HGSNAT: variants seen among roughly 807,000 people sequenced by gnomAD.
HGSNAT encodes the protein heparan-alpha-glucosaminide N-acetyltransferase, also known as transmembrane protein 76.
A neutral mutation model predicts 85.2 loss-of-function variants in HGSNAT; 59 were observed. That is an observed-to-expected ratio of 0.69 (90% CI 0.56 to 0.86). The LOEUF is 0.86. Ranked by LOEUF, HGSNAT falls within the 40% of genes least tolerant of loss-of-function variation. The pLI, the probability that HGSNAT is intolerant of heterozygous loss-of-function variation, is 0.00. For missense variants in HGSNAT, 756 were observed against 777.1 expected, an observed-to-expected ratio of 0.97 and a Z score of 0.32; for synonymous variants, 321 against 304.5, an observed-to-expected ratio of 1.05 and a Z score of -0.56.
chr8:43,194,417 T>G, intron 14 of HGSNAT: 1 of 985,398 alleles, frequency 1.0e-6, no homozygotes. Flanking sequence ...AAAAAGGTTT[T>G]CCTGATGGAG....
chr8:43,172,302 T>G lies in HGSNAT; in HGVS notation c.744-8T>G. On this transcript the variant is annotated splice_region_variant and splice_polypyrimidine_tract_variant and intron_variant, in intron 7 of 17. Coordinates refer to ENST00000379644, the MANE Select transcript of HGSNAT (RefSeq NM_152419.3). Reference sequence around the variant, plus strand: ...CCTGAAAGGCTTCTCTTTGTTGGCTTCTTCTAGGATTGCTCTTATACTCAT... The same window carrying G: ...CCTGAAAGGCTTCTCTTTGTTGGCTGCTTCTAGGATTGCTCTTATACTCAT... 1 of 1,605,116 alleles carries G rather than the reference T, an allele frequency of 6.2e-7. No homozygotes were observed. Among genetic ancestry groups the G allele is most frequent in the Non-Finnish European group, 8.5e-7 (1 of 1,171,778 alleles).
At chr8:43,142,932 G>A (rs1007214940) in intron 1 of HGSNAT, among the ~76,000 whole-genome samples, 3 of 152,198 alleles carry the variant, frequency 2.0e-5, no homozygotes, top group Non-Finnish European at 4.4e-5. Flanking sequence ...CATCTACGAA[G>A]GGATGATGAT....
At chr8:43,188,924 C>T (rs894879712) in intron 11 of HGSNAT, among the ~76,000 whole-genome samples, 1 of 152,130 alleles carries the variant, frequency 6.6e-6, no homozygotes. Flanking sequence ...CACTCCAGAC[C>T]CTGTTTGCCT....
At chr8:43,184,994 A>G (rs1394704267) in intron 11 of HGSNAT, among the ~76,000 whole-genome samples, 1 of 152,070 alleles carries the variant, frequency 6.6e-6, no homozygotes, top group Non-Finnish European at 1.5e-5. Flanking sequence ...CCATTGGTCT[A>G]TATCTCTGTT....
At chr8:43,158,168 A>AGG (rs1803152573) in intron 2 of HGSNAT, among the ~76,000 whole-genome samples, 1 of 151,984 alleles carries the variant, frequency 6.6e-6, no homozygotes, top group African/African-American at 2.4e-5. Flanking sequence ...GCGTGATCTC[A>AGG]GCTCACTGCA....
chr8:43,183,469 AT>A (rs1328988702), intron 11 of HGSNAT, among the ~76,000 whole-genome samples: 1,453 of 128,250 alleles, frequency 0.011, 15 homozygotes, highest in African/African-American at 0.033. Flanking sequence ...GCCTGGCCTC[AT>A]TTTTTTTTTT....
intron 10 of HGSNAT, chr8:43,180,610 G>A (rs1804047709): frequency 6.1e-6 from 1 of 163,828 alleles, no homozygotes; most frequent in African/African-American, 2.7e-5. Flanking sequence ...TCACTTTCCA[G>A]ACTGGGCAGC....
intron 10 of HGSNAT, chr8:43,181,795 C>T: frequency 4.1e-6 from 1 of 245,370 alleles, no homozygotes; most frequent in Non-Finnish European, 7.9e-6. Context: ...GGGTTGATTG[C>T]AAATTCCTAA....
chr8:43,154,463 C>T lies in HGSNAT; in HGVS notation c.235-4112C>T, dbSNP rs369795554. On this transcript the variant is annotated intron_variant, in intron 2 of 17. Coordinates refer to ENST00000379644, the MANE Select transcript of HGSNAT (RefSeq NM_152419.3). ...CGCGGTGTTTGGTTTTTTGTCCTTG[C>T]GATAGTTTGCTGAGAATGATGGTTT... Among the ~76,000 whole-genome samples the T allele has an allele frequency of 2.0e-4, 31 of 151,414 alleles. No individual in the cohort carries two copies. In the South Asian group the frequency reaches 4.6e-3, roughly 23 times the overall value.
rs1318938197 is a variant in HGSNAT at position 43,146,270 on chromosome 8, T to A, written c.119-678T>A. On this transcript the variant is annotated intron_variant, in intron 1 of 17. Transcript: ENST00000379644. ...CCGATCTGCCATGGAAATTAGGATA[T>A]TCCAAACTCCAAAACAAAGTGATAG... Among the ~76,000 whole-genome samples, 10 of 152,290 alleles carry A rather than the reference T, an allele frequency of 6.6e-5. No individual in the cohort carries two copies. In the East Asian group the frequency reaches 1.7e-3, roughly 26 times the overall value.
intron 12 of HGSNAT, 46 bp from the exon 13 acceptor site, chr8:43,192,258 G>C: frequency 1.3e-6 from 2 of 1,570,758 alleles, no homozygotes; most frequent in South Asian, 1.2e-5. Flanking sequence ...CCCTCTGTTC[G>C]CCCTTATGAG....
chr8:43,194,329 T>C (rs1314254721), intron 14 of HGSNAT: 4 of 911,976 alleles, frequency 4.4e-6, no homozygotes, highest in South Asian at 5.0e-5. Flanking sequence ...ACCAAGGAGG[T>C]TGAGGCTGCA....
intron 15 of HGSNAT, 41 bp from the exon 16 acceptor site, chr8:43,197,628 GATA>G (rs1221530813): frequency 1.4e-6 from 2 of 1,417,294 alleles, no homozygotes; most frequent in East Asian, 2.3e-5. Context: ...TGTTTTCTGA[GATA>G]ATAATATAAA....
chr8:43,197,724 CAGT>C lies in HGSNAT; in HGVS notation c.1597_1599del (p.Val533del). 1 of 1,613,132 alleles carries C rather than the reference CAGT, an allele frequency of 6.2e-7. No homozygotes were observed. Among genetic ancestry groups the C allele is most frequent in the Non-Finnish European group, 8.5e-7 (1 of 1,179,150 alleles). ...GTTTCTGAAAATGAAGGCTTTATTC[CAGT>C]AAACAAAAATCTCTGGTATGTATGG... On this transcript the variant is annotated inframe_deletion, in exon 16 of 18. Transcript: ENST00000379644.
chr8:43,148,442 A>G (rs957341692), intron 2 of HGSNAT, among the ~76,000 whole-genome samples: 1 of 152,010 alleles, frequency 6.6e-6, no homozygotes, highest in African/African-American at 2.4e-5. Context: ...TTATTAGAAT[A>G]AAACAAGTAG....
At chr8:43,151,574 G>A (rs1802920829) in intron 2 of HGSNAT, among the ~76,000 whole-genome samples, 2 of 152,266 alleles carry the variant, frequency 1.3e-5, no homozygotes, top group African/African-American at 4.8e-5. Flanking sequence ...TAAGTCAAAA[G>A]AGACTGGATA....
At chr8:43,170,495 A>G (rs981127593) in intron 6 of HGSNAT, 90 bp from the exon 7 acceptor site, 34 of 1,189,556 alleles carry the variant, frequency 2.9e-5, no homozygotes, top group Non-Finnish European at 4.0e-5. Flanking sequence ...ACAAAACAAA[A>G]CAAAACAAAA....
At chr8:43,170,767 T>C (rs1016996979) in intron 7 of HGSNAT, 73 bp downstream of exon 7, 1 of 940,386 alleles carries the variant, frequency 1.1e-6, no homozygotes, top group Non-Finnish European at 1.6e-6. Flanking sequence ...ACACACACTT[T>C]TAGCTTTTAA....
chr8:43,169,277 G>A, intron 6 of HGSNAT, 35 bp downstream of exon 6: 1 of 1,356,278 alleles, frequency 7.4e-7, no homozygotes. Context: ...TTGCCCAGGT[G>A]GTTTTCTAAA....
Sources: gnomAD v4.1 joint callset for allele counts (sites outside exome capture counted in the v4.1 genomes callset) on GRCh38, gnomAD v4.1.1 for gene constraint, MANE v1.5 for transcripts, NCBI Gene and HGNC (gene_info 2026-07-23, HGNC 2026-07-21) for gene names.